The following RANBP17 variants were observed in gnomAD, a reference collection of about 807,000 sequenced individuals.
RANBP17 encodes the protein ran-binding protein 17.
Under a neutral mutation model 141.2 loss-of-function variants are expected in RANBP17, and 158 were observed. That is an observed-to-expected ratio of 1.12 (90% confidence interval 0.98 to 1.28). The LOEUF is 1.28. RANBP17 is among the 50% of genes most tolerant of loss of function. The pLI is 0.00. For missense variants in RANBP17, 1,438 were observed against 1,290.7 expected (o/e 1.11, Z -1.75); for synonymous variants, 430 against 450.0 (o/e 0.96, Z 0.56).
At chr5:171,149,231 CT>C (rs1268413769) in intron 14 of RANBP17, among the ~76,000 whole-genome samples, 1 of 152,182 alleles carries the variant, frequency 6.6e-6, no homozygotes, top group Admixed American at 6.5e-5. Context: ...TACCATGGAT[CT>C]TTTTTACTGT....
intron 14 of RANBP17, among the ~76,000 whole-genome samples, chr5:170,993,457 T>G (rs1039690868): frequency 6.6e-6 from 1 of 152,028 alleles, no homozygotes; most frequent in Non-Finnish European, 1.5e-5. Flanking sequence ...CAAGATTAGG[T>G]CAGCAGTCAC....
At chr5:171,026,034 C>T (rs959820209) in intron 14 of RANBP17, among the ~76,000 whole-genome samples, 6 of 152,138 alleles carry the variant, frequency 3.9e-5, no homozygotes, top group Non-Finnish European at 7.4e-5. Context: ...CAGCACCAAG[C>T]ACATTTTCTG....
At chr5:171,298,601 T>C (rs937015816) in intron 27 of RANBP17, among the ~76,000 whole-genome samples, 161 bp from the exon 28 acceptor site, 2 of 152,172 alleles carry the variant, frequency 1.3e-5, no homozygotes, top group African/African-American at 4.8e-5. Context: ...AGAACAGCAA[T>C]GGCGGTGAAA....
At chr5:171,289,058 C>T (rs1768331640) in intron 25 of RANBP17, among the ~76,000 whole-genome samples, 1 of 152,136 alleles carries the variant, frequency 6.6e-6, no homozygotes, top group Non-Finnish European at 1.5e-5. Context: ...TATACTTTAC[C>T]TTATGATACT....
chr5:171,143,080 G>A (rs1296584738), intron 14 of RANBP17, among the ~76,000 whole-genome samples: 1 of 152,176 alleles, frequency 6.6e-6, no homozygotes, highest in Non-Finnish European at 1.5e-5. Context: ...TATCTGGTAA[G>A]CTAGTGGGAT....
chr5:171,297,003 C>T (rs568300325), intron 27 of RANBP17, among the ~76,000 whole-genome samples: 1 of 152,302 alleles, frequency 6.6e-6, no homozygotes, highest in African/African-American at 2.4e-5. Flanking sequence ...CAGTTAACTT[C>T]TCTACTCCTC....
chr5:171,105,381 CAA>C (rs1167025699), intron 14 of RANBP17, among the ~76,000 whole-genome samples: 186 of 54,276 alleles, frequency 3.4e-3, no homozygotes, highest in African/African-American at 0.012. Context: ...GACTCCGTCT[CAA>C]AAAAAAAAAA....
intron 24 of RANBP17, among the ~76,000 whole-genome samples, chr5:171,253,892 T>A (rs1175993550): frequency 6.6e-6 from 1 of 152,192 alleles, no homozygotes; most frequent in Non-Finnish European, 1.5e-5. Context: ...TTTGTCCTTT[T>A]ATTATGGTTT....
At position 171,089,502 on chromosome 5, in the gene RANBP17, C is replaced by G. The variant is rs529092058; in HGVS notation, c.1711-80628C>G. Among the ~76,000 whole-genome samples the G allele has an allele frequency of 2.9e-4, 44 of 151,956 alleles. 1 individual carries two copies. In the East Asian group the frequency reaches 6.2e-3, roughly 21 times the overall value. On this transcript the variant is annotated intron_variant, in intron 14 of 27. Coordinates refer to ENST00000523189, the MANE Select transcript of RANBP17 (RefSeq NM_022897.5). ...TGGGCTCCACCCAGCTCGAGCTTCC[C>G]GGCTGCTTTGTTTACCTAAGCAAGC...
At chr5:171,257,048 A>G (rs1765945341) in intron 24 of RANBP17, among the ~76,000 whole-genome samples, 1 of 152,254 alleles carries the variant, frequency 6.6e-6, no homozygotes, top group South Asian at 2.1e-4. Flanking sequence ...ATTGAGGAGG[A>G]GGGAACTCTC....
chr5:171,020,167 G>A (rs754369670), intron 14 of RANBP17, among the ~76,000 whole-genome samples: 2 of 152,172 alleles, frequency 1.3e-5, no homozygotes, highest in Non-Finnish European at 2.9e-5. Context: ...TGCATTTGCT[G>A]AGGAGTGTTT....
intron 14 of RANBP17, among the ~76,000 whole-genome samples, chr5:170,995,199 T>C (rs1778733982): frequency 6.6e-6 from 1 of 152,108 alleles, no homozygotes; most frequent in Non-Finnish European, 1.5e-5. Context: ...TTCCGAGACA[T>C]GTTGTATGCA....
intron 16 of RANBP17, among the ~76,000 whole-genome samples, chr5:171,172,693 A>G (rs1006602062): frequency 2.6e-5 from 4 of 151,848 alleles, no homozygotes; most frequent in Non-Finnish European, 4.4e-5. Flanking sequence ...TTTATAGCAT[A>G]TATCTATTGT....
At chr5:170,885,413 C>T (rs996653541) in intron 3 of RANBP17, among the ~76,000 whole-genome samples, 1 of 152,072 alleles carries the variant, frequency 6.6e-6, no homozygotes, top group African/African-American at 2.4e-5. Context: ...GACTCTTTTC[C>T]TGGAGATTTC....
intron 14 of RANBP17, among the ~76,000 whole-genome samples, chr5:171,094,061 A>G (rs569960165): frequency 6.6e-6 from 1 of 152,214 alleles, no homozygotes; most frequent in South Asian, 2.1e-4. Flanking sequence ...GTTTACCAGC[A>G]TGCAGTATAT....
chr5:170,949,756 A>G (rs1775056186), intron 12 of RANBP17, among the ~76,000 whole-genome samples: 1 of 152,176 alleles, frequency 6.6e-6, no homozygotes, highest in Admixed American at 6.5e-5. Flanking sequence ...ACATCCACAT[A>G]AAATCTTGTA....
chr5:170,961,887 A>G (rs1450921281), intron 13 of RANBP17, among the ~76,000 whole-genome samples: 2 of 152,122 alleles, frequency 1.3e-5, no homozygotes, highest in African/African-American at 4.8e-5. Context: ...AAAGTGCTTG[A>G]TTGTTTTCTT....
chr5:171,168,274 G>A (rs138032829), intron 14 of RANBP17, among the ~76,000 whole-genome samples: 1 of 152,232 alleles, frequency 6.6e-6, no homozygotes, highest in East Asian at 1.9e-4. Context: ...ACTTTTGAAT[G>A]AGTATGAGGG....
Position 171,126,910 on chromosome 5 carries a change from A to G in RANBP17, c.1711-43220A>G, listed in dbSNP as rs181967671. Among the ~76,000 whole-genome samples, 125 of 152,336 alleles carry G rather than the reference A, an allele frequency of 8.2e-4. 1 individual carries two copies. The highest frequency in any genetic ancestry group is 4.6e-3 in the South Asian group (22 of 4,824). On this transcript the variant is annotated intron_variant, in intron 14 of 27. Coordinates refer to ENST00000523189, the MANE Select transcript of RANBP17 (RefSeq NM_022897.5). ...ACCAAACTTATAAAGATGATCTAAT[A>G]TCTCACACCAATGCTTTTCAGACTA...
Sources: gnomAD v4.1 joint callset for allele counts (sites outside exome capture counted in the v4.1 genomes callset) on GRCh38, gnomAD v4.1.1 for gene constraint, MANE v1.5 for transcripts, NCBI Gene and HGNC (gene_info 2026-07-23, HGNC 2026-07-21) for gene names.